KIRREL3: variants seen among roughly 807,000 people sequenced by gnomAD.
The protein encoded by KIRREL3 is kirre like nephrin family adhesion molecule 3.
Under a neutral mutation model 89.7 loss-of-function variants are expected in KIRREL3, and 36 were observed. The observed-to-expected ratio is 0.40, with a 90% CI of 0.31 to 0.53. The LOEUF (loss-of-function observed/expected upper bound fraction) is 0.53. KIRREL3 is among the 20% of genes least tolerant of loss of function. The pLI is 0.49. For missense variants in KIRREL3, 864 were observed against 1,056.6 expected, an observed-to-expected ratio of 0.82 and a Z score of 2.53; for synonymous variants, 445 against 441.4, an observed-to-expected ratio of 1.01 and a Z score of -0.10.
chr11:126,988,667 T>A (rs1161316604), intron 1 of KIRREL3: 1 of 152,574 alleles, frequency 6.6e-6, no homozygotes, highest in Non-Finnish European at 1.5e-5. Context: ...TCGAATGACC[T>A]TCAGGCAAGT....
rs1006291269 is a variant in KIRREL3, at chr11:126,905,722, T to C, written c.55+94733A>G. Among the ~76,000 whole-genome samples, 1 of 152,130 alleles carries C rather than the reference T, an allele frequency of 6.6e-6. No homozygotes were observed. Among genetic ancestry groups the C allele is most frequent in the African/African-American group, 2.4e-5 (1 of 41,428 alleles). The stretch of plus-strand genomic sequence containing the variant: ...CAGAACACCAGAGACCTATGTGAGA[T>C]GGAATTGTTGTGTACCGCCACAGCC... On this transcript the variant is annotated intron_variant, in intron 1 of 16. Transcript: ENST00000525144. This position sits in a 1 kb window ranked among gnomAD's most constrained non-coding sequence, Gnocchi z 5.0.
Position 126,633,606 on chromosome 11 carries a change from G to A in KIRREL3, c.56-70694C>T, listed in dbSNP as rs184747700. Among the ~76,000 whole-genome samples, 550 of 152,224 alleles carry A rather than the reference G, an allele frequency of 3.6e-3. 4 individuals are homozygous for A. Among genetic ancestry groups the A allele is most frequent in the Non-Finnish European group, 3.7e-3 (252 of 68,016 alleles). ...AGCTCCATTTCCCCTTCTGCCATGA[G>A]CGGAAGATTCCTGAAGCCCTCACCA... On this transcript the variant is annotated intron_variant, in intron 1 of 16. Coordinates refer to ENST00000525144, the MANE Select transcript of KIRREL3 (RefSeq NM_032531.4).
rs1207489849 is a variant in KIRREL3, at chr11:126,744,061, G to A, written c.56-181149C>T. Among the ~76,000 whole-genome samples the A allele has an allele frequency of 6.6e-6, 1 of 152,166 alleles. No individual in the cohort carries two copies. The highest frequency in any genetic ancestry group is 1.5e-5 in the Non-Finnish European group (1 of 68,040). ...GAATTTTGATAAGCAGAAAAGAAGA[G>A]GAGCAGAAAATGTTCCAGAAAGTTG... On this transcript the variant is annotated intron_variant, in intron 1 of 16. Transcript: ENST00000525144. The surrounding 1 kb of genome is among the most constrained non-coding windows in gnomAD (Gnocchi z 4.7).
chr11:126,538,286 T>TTATACTGGGGTTA (rs1346001572), intron 2 of KIRREL3, among the ~76,000 whole-genome samples: 7 of 152,212 alleles, frequency 4.6e-5, no homozygotes, highest in Non-Finnish European at 5.9e-5. Flanking sequence ...TTAAGAATAC[T>TTATACTGGGGTTA]TATACTGGGG....
At chr11:126,827,928 G>T (rs187089472) in intron 1 of KIRREL3, among the ~76,000 whole-genome samples, 2 of 152,144 alleles carry the variant, frequency 1.3e-5, no homozygotes, top group African/African-American at 4.8e-5. Context: ...AGAGCATTGG[G>T]TTTTGGAATT....
Position 126,555,961 on chromosome 11 carries a change from C to CA in KIRREL3, c.133+6873dup, listed in dbSNP as rs1487172493. ...TTCACTATTTTGGCCAGGCTGGTCT[C>CA]AAACTCCTGACCTCAGGTGATCCAC... On this transcript the variant is annotated intron_variant, in intron 2 of 16. Coordinates refer to ENST00000525144, the MANE Select transcript of KIRREL3 (RefSeq NM_032531.4). This position sits in a 1 kb window ranked among gnomAD's most constrained non-coding sequence, Gnocchi z 4.2. Among the ~76,000 whole-genome samples, 3 of 152,176 alleles carry CA rather than the reference C, an allele frequency of 2.0e-5. No homozygotes were observed. The highest frequency in any genetic ancestry group is 7.2e-5 in the African/African-American group (3 of 41,436).
intron 7 of KIRREL3, among the ~76,000 whole-genome samples, chr11:126,449,566 T>A (rs896600115): frequency 2.6e-5 from 4 of 152,182 alleles, no homozygotes; most frequent in African/African-American, 9.7e-5. Context: ...GGAGGCCAAG[T>A]CCATGACCTC....
intron 9 of KIRREL3, among the ~76,000 whole-genome samples, chr11:126,446,148 C>CAAAAAAAAAA (rs56820180): frequency 1.2e-5 from 1 of 83,236 alleles, no homozygotes; most frequent in Non-Finnish European, 2.3e-5. Flanking sequence ...AACTCCATCT[C>CAAAAAAAAAA]AAAAAAAAAA....
intron 1 of KIRREL3, among the ~76,000 whole-genome samples, chr11:126,928,413 C>T (rs966886748): frequency 4.6e-5 from 7 of 152,196 alleles, no homozygotes; most frequent in African/African-American, 1.7e-4. Flanking sequence ...CAATGGGCAG[C>T]GATTCCCGGA....
rs1261111260 is a variant in KIRREL3, at chr11:126,521,300, G to A, written c.433+15C>T. 6.5e-7 allele frequency: 1 copy of A among 1,528,280 alleles called. No individual in the cohort carries two copies. The highest frequency in any genetic ancestry group is 8.8e-7 in the Non-Finnish European group (1 of 1,132,062). The allele number at this position is 1,528,280 out of a possible 1,614,324, so 94.7% of individuals were successfully genotyped here. A position where few individuals can be genotyped will look rare whatever the true frequency, so the allele number is the denominator to read the frequency against. ...TTCACGCAGTGTCCCAGCCCCGTGT[G>A]CAGATGGTTCTTACCCAGGACTGTG... On this transcript the variant is annotated intron_variant, in intron 4 of 16. Coordinates refer to ENST00000525144, the MANE Select transcript of KIRREL3 (RefSeq NM_032531.4). This position sits in a 1 kb window ranked among gnomAD's most constrained non-coding sequence, Gnocchi z 4.1.
Position 126,640,894 on chromosome 11 carries a change from T to C in KIRREL3, c.56-77982A>G, listed in dbSNP as rs1343111487. ...GGATCTCTTCTCAATCTTATGGCTT[T>C]AAACACCGACTCTACTCTGATGTCT... is the stretch of plus-strand genomic sequence containing the variant. On this transcript the variant is annotated intron_variant, in intron 1 of 16. Coordinates refer to ENST00000525144, the MANE Select transcript of KIRREL3 (RefSeq NM_032531.4). This position sits in a 1 kb window ranked among gnomAD's most constrained non-coding sequence, Gnocchi z 4.9. Among the ~76,000 whole-genome samples the C allele has an allele frequency of 6.6e-6, 1 of 152,200 alleles. No individual in the cohort carries two copies. The highest frequency in any genetic ancestry group is 2.4e-5 in the African/African-American group (1 of 41,438).
At chr11:126,937,681 CG>C (rs1293980280) in intron 1 of KIRREL3, among the ~76,000 whole-genome samples, 6 of 151,642 alleles carry the variant, frequency 4.0e-5, no homozygotes, top group Non-Finnish European at 8.8e-5. Context: ...GGGTGGATCA[CG>C]AGGTCAGGAG....
At chr11:126,470,004 G>A (rs184415381) in intron 5 of KIRREL3, among the ~76,000 whole-genome samples, 194 of 152,350 alleles carry the variant, frequency 1.3e-3, no homozygotes, top group Non-Finnish European at 2.1e-3. Context: ...TGGCGCTGCC[G>A]TTCCCGTCAC....
chr11:126,935,640 T>C lies in KIRREL3; in HGVS notation c.55+64815A>G, dbSNP rs1350728403. ...GAAGCCAATCTGAAAAGGCTACACA[T>C]ACTATATGATTCCAACTAGATGATA... On this transcript the variant is annotated intron_variant, in intron 1 of 16. Transcript: ENST00000525144. The C allele has an allele frequency of 3.9e-5, 6 of 152,184 alleles. No homozygotes were observed. The East Asian group carries it at 1.2e-3, about 29-fold the overall frequency. 9.4% of individuals were successfully genotyped at this position (152,184 alleles called of 1,614,324 possible).
intron 1 of KIRREL3, among the ~76,000 whole-genome samples, chr11:126,753,467 C>G (rs935505525): frequency 9.2e-5 from 14 of 152,144 alleles, no homozygotes; most frequent in African/African-American, 3.1e-4. Flanking sequence ...GAAAAAGAGG[C>G]TTTTGGATTG....
At chr11:126,567,712 C>G (rs976969294) in intron 1 of KIRREL3, among the ~76,000 whole-genome samples, 1 of 150,276 alleles carries the variant, frequency 6.7e-6, no homozygotes. Flanking sequence ...AGGCTGGTTA[C>G]GTGTCTGCAT....
At chr11:126,758,672 T>C (rs1460672025) in intron 1 of KIRREL3, among the ~76,000 whole-genome samples, 1 of 152,164 alleles carries the variant, frequency 6.6e-6, no homozygotes, top group Non-Finnish European at 1.5e-5. Context: ...CTTACGAACA[T>C]CTAAATTATG....
chr11:126,809,052 AG>A (rs1392852007), intron 1 of KIRREL3, among the ~76,000 whole-genome samples: 6 of 152,208 alleles, frequency 3.9e-5, no homozygotes, highest in Non-Finnish European at 8.8e-5. Flanking sequence ...CCTTGTGTAC[AG>A]GCCTCTAATA....
chr11:126,451,648 G>A (rs372159213), intron 7 of KIRREL3, among the ~76,000 whole-genome samples: 1 of 151,478 alleles, frequency 6.6e-6, no homozygotes, highest in African/African-American at 2.4e-5. Flanking sequence ...GTGCATGTAT[G>A]GGCGTGTGCA....
Sources: allele counts gnomAD v4.1 joint callset (sites outside exome capture counted in the v4.1 genomes callset), GRCh38; gene constraint gnomAD v4.1.1; non-coding constraint Gnocchi (gnomAD v3.1); transcripts MANE v1.5; gene names NCBI Gene and HGNC (gene_info 2026-07-23, HGNC 2026-07-21).